Variants in CCDC187 observed in about 807,000 individuals in gnomAD.
CCDC187 encodes coiled-coil domain containing 187.
A neutral mutation model predicts 38.0 loss-of-function variants in CCDC187; 32 were observed. The ratio of observed to expected loss-of-function variants is 0.84; its 90% CI spans 0.64 to 1.13. The LOEUF (loss-of-function observed/expected upper bound fraction) is 1.13, where lower values mean the gene tolerates loss of function less well. Ranked by LOEUF, CCDC187 falls within the 50% of genes most tolerant of loss-of-function variation. CCDC187 has a pLI of 0.00. For missense variants in CCDC187, 707 were observed against 786.8 expected (o/e 0.90, Z 1.21); for synonymous variants, 333 against 347.9 (o/e 0.96, Z 0.48).
chr9:136,253,686 C>T lies in CCDC187; in HGVS notation c.6142G>A (p.Ala2048Thr), dbSNP rs1830576745. ...GAGGACAAATCCTGGGTGGTGATGG[C>T]GGTGTCCTCCTCAAGGGGCCCCGAG... ...PPSGPLEEDT[A>T]ITTQDLSSLS... The change falls in exon 26 of 26, where the codon GCC becomes ACC. Residue 2048 changes from alanine to threonine, a missense_variant. Coordinates refer to ENST00000638797, the MANE Select transcript of CCDC187 (RefSeq NM_001378188.1). 6.1e-6 allele frequency: 6 copies of T among 985,380 alleles called. No individual in the cohort carries two copies. Among genetic ancestry groups the T allele is most frequent in the East Asian group, 1.1e-4 (1 of 8,830 alleles). The allele number at this position is 985,380 out of a possible 1,614,324, so 61.0% of individuals were successfully genotyped here. A position where few individuals can be genotyped will look rare whatever the true frequency, so the allele number is the denominator to read the frequency against.
At chr9:136,292,575 G>A (rs1029177473) in intron 4 of CCDC187, among the ~76,000 whole-genome samples, 10 of 152,138 alleles carry the variant, frequency 6.6e-5, no homozygotes, top group South Asian at 2.1e-4. Flanking sequence ...TCAGGAAATC[G>A]TGGACAACAG....
intron 2 of CCDC187, among the ~76,000 whole-genome samples, chr9:136,302,066 C>G (rs1462228731): frequency 6.6e-6 from 1 of 152,006 alleles, no homozygotes; most frequent in African/African-American, 2.4e-5. Context: ...GAAAATTAGC[C>G]AGGCATAGTG....
rs1336883843 is a variant in CCDC187, at chr9:136,292,288, C to A, written c.840G>T (p.Glu280Asp). Residue 280 changes from glutamate (E) to aspartate (D), a missense_variant, in exon 5 of 26, where the codon GAG becomes GAT. Transcript: ENST00000638797. ...AKDKHKDEDS[E>D]LVGVYAWRKG... ...TTCTCCAGGCGTAAACACCAACCAG[C>A]TCCGAATCTTAAACAGAGAAAACAT... The A allele has an allele frequency of 5.0e-6, 2 of 398,624 alleles. No homozygotes were observed. The highest frequency in any genetic ancestry group is 8.8e-6 in the Non-Finnish European group (2 of 226,144). The allele number at this position is 398,624 out of a possible 1,614,324, so 24.7% of individuals were successfully genotyped here. A position where few individuals can be genotyped will look rare whatever the true frequency, so the allele number is the denominator to read the frequency against.
chr9:136,305,118 G>T (rs1462553912), upstream of CCDC187, among the ~76,000 whole-genome samples: 1 of 152,234 alleles, frequency 6.6e-6, no homozygotes, highest in African/African-American at 2.4e-5. Flanking sequence ...GCCTCGGAGG[G>T]GAGGGAGAGA....
chr9:136,261,378 T>C (rs1830677078), intron 19 of CCDC187, among the ~76,000 whole-genome samples: 1 of 152,184 alleles, frequency 6.6e-6, no homozygotes, highest in Non-Finnish European at 1.5e-5. Context: ...TGGACAGTGC[T>C]ACACATCGCT....
At chr9:136,285,944 A>C (rs1831168874) in intron 8 of CCDC187, 141 bp downstream of exon 8, 1 of 397,424 alleles carries the variant, frequency 2.5e-6, no homozygotes, top group Non-Finnish European at 4.4e-6. Flanking sequence ...TATGCTGCTC[A>C]GACCCCCTGG....
chr9:136,264,542 C>T lies in CCDC187; in HGVS notation c.3736-744G>A, dbSNP rs1244133425. On this transcript the variant is annotated intron_variant, in intron 17 of 25. Coordinates refer to ENST00000638797, the MANE Select transcript of CCDC187 (RefSeq NM_001378188.1). This position sits in a 1 kb window ranked among gnomAD's most constrained non-coding sequence, Gnocchi z 4.3. ...TGGTGCCTGCCTTTTCCTGTTTCTC[C>T]GTATCTGAGAGGACCTGTGCATGGG... Among the ~76,000 whole-genome samples, 1 of 152,132 alleles carries T rather than the reference C, an allele frequency of 6.6e-6. No homozygotes were observed. Among genetic ancestry groups the T allele is most frequent in the Non-Finnish European group, 1.5e-5 (1 of 68,010 alleles).
At chr9:136,280,155 C>A (rs1002625243) in intron 10 of CCDC187, among the ~76,000 whole-genome samples, 1 of 152,278 alleles carries the variant, frequency 6.6e-6, no homozygotes, top group Non-Finnish European at 1.5e-5. Flanking sequence ...CCGGCACATG[C>A]GCTTTCTGCC....
rs1381870010 is a variant in CCDC187, at chr9:136,286,261, G to GGGCAGGCTGGGGT, written c.2644_2656dup (p.Pro886HisfsTer272). The GGGCAGGCTGGGGT allele has an allele frequency of 7.5e-6, 3 of 398,534 alleles. No homozygotes were observed. Among genetic ancestry groups the GGGCAGGCTGGGGT allele is most frequent in the African/African-American group, 6.2e-5 (3 of 48,636 alleles). The allele number at this position is 398,534 out of a possible 1,614,324, so 24.7% of individuals were successfully genotyped here. On this transcript the variant is annotated frameshift_variant, in exon 8 of 26. Coordinates refer to ENST00000638797, the MANE Select transcript of CCDC187 (RefSeq NM_001378188.1). LOFTEE classifies it high-confidence loss of function. The stretch of plus-strand genomic sequence containing the variant: ...GCCCCAGTTGGGCCCCAAGGCTCCA[G>GGGCAGGCTGGGGT]GGCAGGCTGGGGTGGCAAGCGTGGG...
At chr9:136,255,175 C>T (rs1830597046) in intron 25 of CCDC187, 41 bp from the exon 26 acceptor site, 1 of 956,634 alleles carries the variant, frequency 1.0e-6, no homozygotes, top group African/African-American at 1.8e-5. Flanking sequence ...CCTCTGCACC[C>T]TGGACCCCAT....
intron 6 of CCDC187, among the ~76,000 whole-genome samples, 200 bp downstream of exon 6, chr9:136,290,286 G>A (rs1273469836): frequency 1.3e-5 from 2 of 152,086 alleles, no homozygotes; most frequent in African/African-American, 2.4e-5. Context: ...CCTCACCAGG[G>A]CCTCCCCCAG....
intron 4 of CCDC187, among the ~76,000 whole-genome samples, chr9:136,295,356 G>A (rs1831510367): frequency 6.6e-6 from 1 of 152,190 alleles, no homozygotes; most frequent in African/African-American, 2.4e-5. Context: ...CTCGATAAAT[G>A]GGTCCTGATG....
rs369550846 is a variant in CCDC187 at position 136,273,816 on chromosome 9, A to G, written c.3442+842T>C. Reference sequence around the variant, plus strand: ...TGTTTTGTGAACACAATGAAGTTAAACTAGGAATGCACAGCAGGTGCCAAG... The same window carrying G: ...TGTTTTGTGAACACAATGAAGTTAAGCTAGGAATGCACAGCAGGTGCCAAG... On this transcript the variant is annotated intron_variant, in intron 14 of 25. Transcript: ENST00000638797. Among the ~76,000 whole-genome samples the G allele has an allele frequency of 8.6e-4, 131 of 152,366 alleles. 2 individuals are homozygous for G. The Middle Eastern group carries it at 0.024, about 28-fold the overall frequency.
chr9:136,254,374 G>C lies in CCDC187; in HGVS notation c.5454C>G (p.Ser1818Arg). ...SGEGREASGT[S>R]ESLKGGVRSG... ...TTCTGACACCCCCTTTCAGGCTCTC[G>C]CTGGTCCCAGAAGCTTCCCGCCCCT... The change falls in exon 26 of 26, where the codon AGC (serine) becomes AGG (arginine). Residue 1818 changes from serine (S) to arginine (R), a missense_variant. Transcript: ENST00000638797. The C allele has an allele frequency of 1.0e-6, 1 of 984,682 alleles. No individual in the cohort carries two copies. Among genetic ancestry groups the C allele is most frequent in the Non-Finnish European group, 1.2e-6 (1 of 829,592 alleles). 61.0% of individuals were successfully genotyped at this position (984,682 alleles called of 1,614,324 possible). A position where few individuals can be genotyped will look rare whatever the true frequency, so the allele number is the denominator to read the frequency against.
intron 9 of CCDC187, among the ~76,000 whole-genome samples, chr9:136,285,028 T>C (rs980867910): frequency 6.6e-6 from 1 of 151,914 alleles, no homozygotes; most frequent in Non-Finnish European, 1.5e-5. Context: ...ACAGGCACAG[T>C]GTCCCCGGGA....
chr9:136,283,559 G>T (rs1042484392), intron 9 of CCDC187, among the ~76,000 whole-genome samples: 4 of 152,228 alleles, frequency 2.6e-5, no homozygotes, highest in African/African-American at 9.6e-5. Flanking sequence ...ATATGATTCC[G>T]CCTCCTGCTG....
chr9:136,263,670 C>T lies in CCDC187; in HGVS notation c.3864G>A (p.Thr1288=), dbSNP rs971145791. 20 of 985,374 alleles carry T rather than the reference C, an allele frequency of 2.0e-5. No individual in the cohort carries two copies. The South Asian group carries it at 2.3e-4, about 12-fold the overall frequency. 61.0% of individuals were successfully genotyped at this position (985,374 alleles called of 1,614,324 possible). The change falls in exon 18 of 26, where the codon ACG becomes ACA. Residue 1288 remains threonine (T), a synonymous_variant. Coordinates refer to ENST00000638797, the MANE Select transcript of CCDC187 (RefSeq NM_001378188.1). Reference sequence around the variant, plus strand: ...GCAGCTCGTGCGCTGGGACGACGTCCGTGGGCCCCGGGATGGGGAGGATGT... The same window carrying T: ...GCAGCTCGTGCGCTGGGACGACGTCTGTGGGCCCCGGGATGGGGAGGATGT... ...PVDILPIPGP[T]DVVPAHELQA... is the part of the protein sequence containing the mutation.
Position 136,259,368 on chromosome 9 carries a change from A to G in CCDC187, c.4291T>C (p.Phe1431Leu), listed in dbSNP as rs1181640950. Residue 1431 changes from phenylalanine (F) to leucine (L), a missense_variant, in exon 21 of 26, where the codon TTT (phenylalanine) becomes CTT (leucine). Phe to Leu is a conservative substitution (Grantham distance 22). Transcript: ENST00000638797. ...PPDGQRLGPA[F>L]PAEEAEGRLP... ...CTTCCAGGGAGAGTGCGTACGGGAA[A>G]GGCTGGGCCCAGCCGCTGTCCGTCC... 32 of 983,316 alleles carry G rather than the reference A, an allele frequency of 3.3e-5. No homozygotes were observed. Among genetic ancestry groups the G allele is most frequent in the Non-Finnish European group, 3.6e-5 (30 of 829,426 alleles). The allele number at this position is 983,316 out of a possible 1,614,324, so 60.9% of individuals were successfully genotyped here.
chr9:136,279,372 G>C (rs1245761754), intron 10 of CCDC187, among the ~76,000 whole-genome samples: 1 of 152,196 alleles, frequency 6.6e-6, no homozygotes, highest in Non-Finnish European at 1.5e-5. Context: ...GCTGCCTCCA[G>C]TCATAAAAAC....
Sources: gnomAD v4.1 joint callset for allele counts (sites outside exome capture counted in the v4.1 genomes callset) on GRCh38, gnomAD v4.1.1 for gene constraint, Gnocchi (gnomAD v3.1) non-coding constraint, MANE v1.5 for transcripts, NCBI Gene and HGNC (gene_info 2026-07-23, HGNC 2026-07-21) for gene names.